The following CDH11 variants were observed in gnomAD, a reference collection of about 807,000 sequenced individuals.
CDH11 encodes the protein cadherin-11.
Under a neutral mutation model 67.8 loss-of-function variants are expected in CDH11, and 11 were observed. That is an observed-to-expected ratio of 0.16 (90% confidence interval 0.10 to 0.27). CDH11 has a LOEUF of 0.27. Among genes scored for constraint, CDH11 ranks in the 10% least tolerant of loss-of-function variants. The probability of loss-of-function intolerance (pLI) is 1.00; values close to 1 mark genes in which losing one functional copy is unlikely to be tolerated. For synonymous variants in CDH11, 419 were observed against 400.0 expected (o/e 1.05, Z -0.57); for missense variants, 847 against 1,031.2 (o/e 0.82, Z 2.45).
chr16:65,093,753 T>A (rs2074835047), intron 1 of CDH11, among the ~76,000 whole-genome samples: 1 of 152,146 alleles, frequency 6.6e-6, no homozygotes, highest in South Asian at 2.1e-4. Context: ...GCTAATAATC[T>A]GGAGAAGGAT....
chr16:65,110,704 G>A lies in CDH11; in HGVS notation c.-298+11176C>T, dbSNP rs566422623. 2.0e-5 allele frequency among the ~76,000 whole-genome samples: 3 copies of A among 151,286 alleles called. 1 individual carries two copies. The highest frequency in any genetic ancestry group is 7.3e-5 in the African/African-American group (3 of 41,224). On this transcript the variant is annotated intron_variant, in intron 1 of 12. Coordinates refer to ENST00000268603, the MANE Select transcript of CDH11 (RefSeq NM_001797.4). ...ATACTGAATCCAAATTTAAAACACA[G>A]GGGATTTGGTGCTGAGTTGGCATTC...
intron 2 of CDH11, among the ~76,000 whole-genome samples, chr16:65,005,668 G>T (rs898307725): frequency 6.6e-6 from 1 of 152,120 alleles, no homozygotes; most frequent in Admixed American, 6.5e-5. Context: ...AATGGATTAA[G>T]GTCTCTTTGG....
At chr16:64,957,000 T>G (rs1431429631) in intron 11 of CDH11, among the ~76,000 whole-genome samples, 1 of 151,984 alleles carries the variant, frequency 6.6e-6, no homozygotes, top group East Asian at 1.9e-4. Context: ...AGGAAAAAAT[T>G]AAAAGCAGAT....
chr16:65,060,986 G>T (rs1597146732), intron 1 of CDH11, among the ~76,000 whole-genome samples: 1 of 152,292 alleles, frequency 6.6e-6, no homozygotes, highest in Non-Finnish European at 1.5e-5. Context: ...GTGCACCTCT[G>T]TGCTTCTCTG....
At chr16:65,071,816 G>A (rs896624958) in intron 1 of CDH11, among the ~76,000 whole-genome samples, 1 of 152,176 alleles carries the variant, frequency 6.6e-6, no homozygotes, top group Non-Finnish European at 1.5e-5. Context: ...CGAGCCGAAA[G>A]TACAGAAAGA....
In CDH11 at chr16:65,026,630, G is replaced by A. The variant is rs1466545726; in HGVS notation, c.-172-21589C>T. 7.2e-5 allele frequency among the ~76,000 whole-genome samples: 11 copies of A among 152,104 alleles called. 1 individual carries two copies. The highest frequency in any genetic ancestry group is 1.5e-4 in the Non-Finnish European group (10 of 67,994). On this transcript the variant is annotated intron_variant, in intron 2 of 12. Transcript: ENST00000268603. ...AATTCCAAGGTTCCTGGAATTTTTA[G>A]AGTAGGCATCTCCCTAAGGGTCTTC...
rs145995883 is a variant in CDH11, at chr16:64,998,773, A to T, written c.312T>A (p.Asp104Glu). ...GEGAGTIFVIDDKSGNIHATK... is the reference protein window; with the variant it reads ...GEGAGTIFVIEDKSGNIHATK... ...TGGCATGAATGTTCCCTGATTTGTCATCAATCACAAAAATGGTTCCAGCTC... is the reference window on the plus strand; with the variant it reads ...TGGCATGAATGTTCCCTGATTTGTCTTCAATCACAAAAATGGTTCCAGCTC... The change falls in exon 4 of 13, where the codon GAT (aspartate) becomes GAA (glutamate). Residue 104 changes from aspartate to glutamate, a missense_variant. By Grantham distance (45) the Asp-to-Glu change is conservative. Coordinates refer to ENST00000268603, the MANE Select transcript of CDH11 (RefSeq NM_001797.4). 1 of 1,614,144 alleles carries T rather than the reference A, an allele frequency of 6.2e-7. No individual in the cohort carries two copies. Among genetic ancestry groups the T allele is most frequent in the Non-Finnish European group, 8.5e-7 (1 of 1,180,012 alleles).
chr16:64,950,626 CGT>C, intron 12 of CDH11, 139 bp downstream of exon 12: 20 of 990,958 alleles, frequency 2.0e-5, no homozygotes, highest in South Asian at 8.7e-5. Context: ...ACCCCGCCCC[CGT>C]ACCCCACTTC....
intron 11 of CDH11, among the ~76,000 whole-genome samples, chr16:64,956,637 T>G (rs927795783): frequency 6.6e-6 from 1 of 152,198 alleles, no homozygotes; most frequent in Non-Finnish European, 1.5e-5. Context: ...AACTTGCAAA[T>G]AGGGCCATTA....
At chr16:65,057,165 C>A (rs1597142342) in intron 1 of CDH11, among the ~76,000 whole-genome samples, 1 of 152,184 alleles carries the variant, frequency 6.6e-6, no homozygotes, top group African/African-American at 2.4e-5. Flanking sequence ...TCTGCACCGG[C>A]CTTCATGGCT....
chr16:64,995,247 A>G (rs1357177446), intron 4 of CDH11, among the ~76,000 whole-genome samples: 2 of 152,202 alleles, frequency 1.3e-5, no homozygotes, highest in African/African-American at 4.8e-5. Flanking sequence ...AACTGTTCTA[A>G]GACTCATATG....
At chr16:65,114,670 C>A (rs1382002903) in intron 1 of CDH11, among the ~76,000 whole-genome samples, 2 of 152,036 alleles carry the variant, frequency 1.3e-5, no homozygotes, top group Non-Finnish European at 2.9e-5. Flanking sequence ...GGAACGCCAG[C>A]CTGGAGCAAG....
At position 64,947,611 on chromosome 16, in the gene CDH11, C is replaced by T. The variant is rs1471732983; in HGVS notation, c.2383G>A (p.Asp795Asn). ...LYGSKDTFDDDS is the reference protein window; with the variant it reads ...LYGSKDTFDDNS ...AATTTGTATCGTTATTGTTAAGAAT[C>T]GTCATCAAAAGTGTCTTTGGAACCA... Residue 795 changes from aspartate (D) to asparagine (N), a missense_variant, in exon 13 of 13, where the codon GAT becomes AAT. Asp to Asn is a conservative substitution (Grantham distance 23). Transcript: ENST00000268603. The T allele has an allele frequency of 3.7e-6, 6 of 1,604,758 alleles. No homozygotes were observed. The highest frequency in any genetic ancestry group is 5.1e-6 in the Non-Finnish European group (6 of 1,173,026).
At position 65,073,559 on chromosome 16, in the gene CDH11, T is replaced by C. The variant is rs549328895; in HGVS notation, c.-297-19631A>G. Among the ~76,000 whole-genome samples the C allele has an allele frequency of 2.0e-5, 3 of 152,340 alleles. No homozygotes were observed. The East Asian group carries it at 5.8e-4, about 29-fold the overall frequency. On this transcript the variant is annotated intron_variant, in intron 1 of 12. Coordinates refer to ENST00000268603, the MANE Select transcript of CDH11 (RefSeq NM_001797.4). ...GGCCTCTCGAAGTGCTGGGATGTTA[T>C]AGGCGTGAGCCACCACACTTGGCCT...
chr16:65,119,846 G>A (rs1306295085), intron 1 of CDH11, among the ~76,000 whole-genome samples: 2 of 152,192 alleles, frequency 1.3e-5, no homozygotes, highest in East Asian at 3.9e-4. Context: ...CTCAAGCAAA[G>A]TTTCCTGGCC....
intron 1 of CDH11, among the ~76,000 whole-genome samples, chr16:65,102,455 G>A (rs2075007646): frequency 6.6e-6 from 1 of 152,182 alleles, no homozygotes; most frequent in Non-Finnish European, 1.5e-5. Flanking sequence ...TCTTACTTTG[G>A]AGAATCCCAA....
chr16:64,986,282 C>A (rs559398873), intron 7 of CDH11: 2 of 152,116 alleles, frequency 1.3e-5, no homozygotes, highest in South Asian at 4.2e-4. Flanking sequence ...CTATTTAAAA[C>A]CTAAGCATCA....
At position 64,965,308 on chromosome 16, in the gene CDH11, C is replaced by T. The variant is rs187994033; in HGVS notation, c.1642+6271G>A. ...GAGGCAGGAGAATTGCTAAAATACG[C>T]GAGGTGGAGGCTACAGTGAGCCGAG... On this transcript the variant is annotated intron_variant, in intron 11 of 12. Coordinates refer to ENST00000268603, the MANE Select transcript of CDH11 (RefSeq NM_001797.4). Among the ~76,000 whole-genome samples the T allele has an allele frequency of 6.0e-3, 903 of 151,498 alleles. 8 individuals are homozygous for T. The highest frequency in any genetic ancestry group is 5.9e-3 in the Non-Finnish European group (400 of 67,908).
chr16:64,989,991 C>G (rs999187376), intron 6 of CDH11, among the ~76,000 whole-genome samples: 1 of 152,052 alleles, frequency 6.6e-6, no homozygotes, highest in African/African-American at 2.4e-5. Flanking sequence ...ACCATGCCCT[C>G]TATATTAAAG....
Sources: gnomAD v4.1 joint callset for allele counts (sites outside exome capture counted in the v4.1 genomes callset) on GRCh38, gnomAD v4.1.1 for gene constraint, MANE v1.5 for transcripts, NCBI Gene and HGNC (gene_info 2026-07-23, HGNC 2026-07-21) for gene names.